FBRSL1: variants seen among roughly 807,000 people sequenced by gnomAD.
FBRSL1 encodes fibrosin-1-like protein.
FBRSL1 carries 51 observed loss-of-function variants against 89.6 expected under a neutral mutation model. That is an observed-to-expected ratio of 0.57 (90% confidence interval 0.45 to 0.72). The LOEUF is 0.72. Ranked by LOEUF, FBRSL1 falls within the 30% of genes least tolerant of loss-of-function variation. The pLI is 0.00. For missense variants in FBRSL1, 1,618 were observed against 1,451.8 expected (o/e 1.11, Z -1.86); for synonymous variants, 779 against 681.1 (o/e 1.14, Z -2.24).
chr12:132,559,072 C>G (rs965788892), intron 5 of FBRSL1, among the ~76,000 whole-genome samples: 1 of 152,246 alleles, frequency 6.6e-6, no homozygotes, highest in African/African-American at 2.4e-5. Context: ...TGCGGTCAGG[C>G]GCACATAAGC....
At chr12:132,577,700 G>A (rs1431553844) in intron 15 of FBRSL1, among the ~76,000 whole-genome samples, 2 of 151,004 alleles carry the variant, frequency 1.3e-5, no homozygotes, top group African/African-American at 4.9e-5. Context: ...CTCCAGGCAC[G>A]CAGAGGCACG....
At chr12:132,559,574 G>C (rs946258948) in intron 5 of FBRSL1, among the ~76,000 whole-genome samples, 3 of 151,962 alleles carry the variant, frequency 2.0e-5, no homozygotes, top group East Asian at 3.9e-4. Flanking sequence ...TTATTTCGTA[G>C]AGACGGGCGG....
intron 2 of FBRSL1, chr12:132,511,058 G>T: frequency 1.0e-6 from 1 of 985,906 alleles, no homozygotes; most frequent in East Asian, 1.1e-4. Flanking sequence ...TGGTGAAGGT[G>T]TGGGTTTCAG....
intron 6 of FBRSL1, among the ~76,000 whole-genome samples, chr12:132,569,490 G>T (rs1015870707): frequency 9.2e-5 from 14 of 152,194 alleles, no homozygotes; most frequent in African/African-American, 3.1e-4. Context: ...ACATCCAGGG[G>T]CCGTGAACAT....
At chr12:132,522,250 G>A (rs1029622290) in intron 2 of FBRSL1, among the ~76,000 whole-genome samples, 4 of 152,138 alleles carry the variant, frequency 2.6e-5, no homozygotes, top group East Asian at 1.9e-4. Flanking sequence ...AGGCCAGGCC[G>A]CACCTGAGCC....
At chr12:132,534,544 A>T (rs1388214457) in intron 4 of FBRSL1, among the ~76,000 whole-genome samples, 1 of 152,188 alleles carries the variant, frequency 6.6e-6, no homozygotes, top group Admixed American at 6.5e-5. Flanking sequence ...CCTGCCCCAC[A>T]TGTGCCCACA....
At position 132,581,302 on chromosome 12, in the gene FBRSL1, TC is replaced by T. The variant is rs2040730574; in HGVS notation, c.1835-136del. The T allele has an allele frequency of 3.3e-6, 5 of 1,519,308 alleles. No individual in the cohort carries two copies. In the African/African-American group the frequency reaches 5.6e-5, roughly 17 times the overall value. 94.1% of individuals were successfully genotyped at this position (1,519,308 alleles called of 1,614,324 possible). On this transcript the variant is annotated intron_variant, in intron 15 of 18. Transcript: ENST00000680143. The stretch of plus-strand genomic sequence containing the variant: ...ACCTCTTACTCTGACTGGACACGCT[TC>T]ACCCCTCAGGGCATGCGAGAGAATG...
intron 4 of FBRSL1, among the ~76,000 whole-genome samples, chr12:132,532,323 A>C (rs747809166): frequency 6.6e-6 from 1 of 152,052 alleles, no homozygotes; most frequent in Non-Finnish European, 1.5e-5. Flanking sequence ...CCCCCACCTC[A>C]GTGACTGGGA....
intron 4 of FBRSL1, among the ~76,000 whole-genome samples, chr12:132,531,870 C>T (rs2036318485): frequency 6.6e-6 from 1 of 152,218 alleles, no homozygotes. Context: ...TAATTTTGTC[C>T]ACATTGGTGG....
chr12:132,578,396 C>T (rs78632291), intron 15 of FBRSL1, among the ~76,000 whole-genome samples: 2,163 of 109,064 alleles, frequency 0.02, 35 homozygotes, highest in African/African-American at 0.062. Flanking sequence ...ATTTGCCATT[C>T]GCTGTGTGGA....
chr12:132,505,825 G>A (rs751424149), intron 1 of FBRSL1, among the ~76,000 whole-genome samples: 7 of 152,236 alleles, frequency 4.6e-5, no homozygotes, highest in Middle Eastern at 3.2e-3. Context: ...CCAGCCGCAC[G>A]GCTCTCCCAG....
intron 15 of FBRSL1, among the ~76,000 whole-genome samples, chr12:132,579,230 A>G (rs1394343328): frequency 6.6e-6 from 1 of 152,154 alleles, no homozygotes; most frequent in Non-Finnish European, 1.5e-5. Flanking sequence ...TCTCTTCCAT[A>G]TAAACTTTCA....
rs561179474 is a variant in FBRSL1, at chr12:132,523,604, G to T, written c.490-2130G>T. ...CTTCCCATCGGCCAGGTGTCCTTGG[G>T]CAGTGAGCAGCCTGCACCACTATAC... On this transcript the variant is annotated intron_variant, in intron 2 of 18. Transcript: ENST00000680143. Among the ~76,000 whole-genome samples the T allele has an allele frequency of 2.0e-5, 3 of 152,270 alleles. No homozygotes were observed. In the East Asian group the frequency reaches 5.8e-4, roughly 29 times the overall value.
intron 5 of FBRSL1, among the ~76,000 whole-genome samples, chr12:132,558,495 C>T (rs777120712): frequency 1.3e-5 from 2 of 152,240 alleles, no homozygotes; most frequent in Non-Finnish European, 2.9e-5. Flanking sequence ...CAAGCGCGTG[C>T]CGTTTTCATG....
intron 18 of FBRSL1, 43 bp from the exon 19 acceptor site, chr12:132,582,928 G>A (rs998034470): frequency 3.7e-6 from 5 of 1,348,294 alleles, no homozygotes; most frequent in South Asian, 1.7e-5. Flanking sequence ...CGCGCGGCAG[G>A]ACGGAGGTCT....
rs1411328483 is a variant in FBRSL1 at position 132,583,383 on chromosome 12, C to A, written c.2614C>A (p.Pro872Thr). 2 of 1,086,960 alleles carry A rather than the reference C, an allele frequency of 1.8e-6. No individual in the cohort carries two copies. The highest frequency in any genetic ancestry group is 1.1e-6 in the Non-Finnish European group (1 of 894,820). The allele number at this position is 1,086,960 out of a possible 1,614,324, so 67.3% of individuals were successfully genotyped here. ...RRAFPAAAPA[P>T]GSAALLEPPE... is the part of the protein sequence containing the mutation. ...CGCCTTCCCCGCTGCCGCCCCCGCC[C>A]CGGGCTCCGCCGCCCTCTTGGAGCC... Residue 872 changes from proline (P) to threonine (T), a missense_variant, in exon 19 of 19, where the codon CCG (proline) becomes ACG (threonine). Pro to Thr is a conservative substitution (Grantham distance 38). Transcript: ENST00000680143.
intron 14 of FBRSL1, among the ~76,000 whole-genome samples, chr12:132,575,612 C>T (rs994882654): frequency 2.0e-5 from 3 of 152,142 alleles, no homozygotes; most frequent in African/African-American, 7.2e-5. Flanking sequence ...GGTGGGGGGC[C>T]GTCCACGGCA....
rs1461184120 is a variant in FBRSL1 at position 132,581,444 on chromosome 12, G to A, written c.1840G>A (p.Ala614Thr). The A allele has an allele frequency of 9.0e-6, 14 of 1,550,898 alleles. No individual in the cohort carries two copies. The highest frequency in any genetic ancestry group is 2.4e-5 in the East Asian group (1 of 40,926). The change falls in exon 16 of 19, where the codon GCC becomes ACC. Residue 614 changes from alanine (A) to threonine (T), a missense_variant. Coordinates refer to ENST00000680143, the MANE Select transcript of FBRSL1 (RefSeq NM_001367871.1). ...AACCTGGCTGCCCCCCCCAGGTGCC[G>A]CCCATCCTGCCTCCAACCCATTTGG... ...ARPLFPSTGA[A>T]HPASNPFGPS...
In FBRSL1 at chr12:132,546,511, G is replaced by A. The variant is rs1007994269; in HGVS notation, c.616-1492G>A. On this transcript the variant is annotated intron_variant, in intron 4 of 18. Transcript: ENST00000680143. This position sits in a 1 kb window ranked among gnomAD's most constrained non-coding sequence, Gnocchi z 4.0. ...GGCCACGGCTGAAAGGCCAGACCGG[G>A]GGGACCCTAGGAGAGGGCTTGGCCA... Among the ~76,000 whole-genome samples, 1 of 152,082 alleles carries A rather than the reference G, an allele frequency of 6.6e-6. No individual in the cohort carries two copies. Among genetic ancestry groups the A allele is most frequent in the Non-Finnish European group, 1.5e-5 (1 of 67,956 alleles).
Sources: gnomAD v4.1 joint callset for allele counts (sites outside exome capture counted in the v4.1 genomes callset) on GRCh38, gnomAD v4.1.1 for gene constraint, Gnocchi (gnomAD v3.1) non-coding constraint, MANE v1.5 for transcripts, NCBI Gene and HGNC (gene_info 2026-07-23, HGNC 2026-07-21) for gene names.